SEC11A: variants seen among roughly 807,000 people sequenced by gnomAD.
The protein encoded by SEC11A is SEC11 homolog A, signal peptidase complex subunit.
SEC11A carries 14 observed loss-of-function variants against 25.6 expected under a neutral mutation model. The ratio of observed to expected loss-of-function variants is 0.55; its 90% CI spans 0.36 to 0.85. The LOEUF is 0.85. SEC11A is among the 40% of genes least tolerant of loss of function. The pLI is 0.01. For missense variants in SEC11A, 153 were observed against 222.9 expected, an observed-to-expected ratio of 0.69 and a Z score of 2.00; for synonymous variants, 83 against 76.4, an observed-to-expected ratio of 1.09 and a Z score of -0.45.
Position 84,670,756 on chromosome 15 carries a change from G to A in SEC11A, c.458C>T (p.Thr153Met). Residue 153 changes from threonine (T) to methionine (M), a missense_variant, in exon 5 of 6, where the codon ACG (threonine) becomes ATG (methionine). Coordinates refer to ENST00000268220, the MANE Select transcript of SEC11A (RefSeq NM_014300.4). ...RGFVPYIGIV[T>M]ILMNDYPKFK... ...TTTAGGATAGTCATTCATGAGGATC[G>A]TCACAATTCCAATATAAGGAACAAA... 6.9e-7 allele frequency: 1 copy of A among 1,458,080 alleles called. No homozygotes were observed. The highest frequency in any genetic ancestry group is 9.4e-7 in the Non-Finnish European group (1 of 1,066,316). The allele number at this position is 1,458,080 out of a possible 1,614,324, so 90.3% of individuals were successfully genotyped here.
At chr15:84,691,669 C>A in intron 1 of SEC11A, 25 bp from the exon 2 acceptor site, 2 of 1,337,864 alleles carry the variant, frequency 1.5e-6, no homozygotes, top group South Asian at 2.4e-5. Flanking sequence ...CAGAAGAGAT[C>A]AGATCCACCA....
intron 1 of SEC11A, among the ~76,000 whole-genome samples, chr15:84,703,619 T>C (rs1898011752): frequency 1.3e-5 from 2 of 152,156 alleles, no homozygotes; most frequent in Non-Finnish European, 2.9e-5. Context: ...ATCCTCCCAA[T>C]GGGCAGCTTC....
chr15:84,710,504 G>A (rs1358542648), intron 1 of SEC11A, among the ~76,000 whole-genome samples: 1 of 152,064 alleles, frequency 6.6e-6, no homozygotes, highest in African/African-American at 2.4e-5. Flanking sequence ...GGGAGTGGTG[G>A]TGCACGCCTA....
chr15:84,715,977 T>A, intron 1 of SEC11A, 48 bp downstream of exon 1: 6 of 1,592,718 alleles, frequency 3.8e-6, no homozygotes, highest in Non-Finnish European at 5.2e-6. Context: ...AGCAGCAGCC[T>A]CGAAGGGACA....
At chr15:84,714,257 G>A (rs1167854769) in intron 1 of SEC11A, among the ~76,000 whole-genome samples, 4 of 151,932 alleles carry the variant, frequency 2.6e-5, no homozygotes, top group Admixed American at 6.6e-5. Context: ...ATTGTGATCC[G>A]CCTGCCTCAG....
intron 3 of SEC11A, among the ~76,000 whole-genome samples, 185 bp downstream of exon 3, chr15:84,687,440 G>C (rs1466487691): frequency 6.6e-6 from 1 of 152,144 alleles, no homozygotes; most frequent in Admixed American, 6.5e-5. Flanking sequence ...GGAAAGAAAT[G>C]AACTAATAAA....
rs1003101658 is a variant in SEC11A at position 84,669,565 on chromosome 15, T to C, written c.*454A>G. 1 of 156,116 alleles carries C rather than the reference T, an allele frequency of 6.4e-6. No homozygotes were observed. Among genetic ancestry groups the C allele is most frequent in the Non-Finnish European group, 1.4e-5 (1 of 70,400 alleles). The allele number at this position is 156,116 out of a possible 1,614,324, so 9.7% of individuals were successfully genotyped here. ...GGGGTTCAATGTGCAAAGTCTTTTA[T>C]TTAAAATTTTAGAAGTTAAGACTTA... On this transcript the variant is annotated 3_prime_UTR_variant, in exon 6 of 6. Coordinates refer to ENST00000268220, the MANE Select transcript of SEC11A (RefSeq NM_014300.4).
intron 1 of SEC11A, among the ~76,000 whole-genome samples, chr15:84,712,547 A>C (rs1212499022): frequency 6.6e-6 from 1 of 150,714 alleles, no homozygotes; most frequent in Non-Finnish European, 1.5e-5. Context: ...TCCCAGGTTG[A>C]AGCAATTCTC....
chr15:84,704,489 C>T (rs1258771380), intron 1 of SEC11A, among the ~76,000 whole-genome samples: 17 of 152,164 alleles, frequency 1.1e-4, no homozygotes, highest in Admixed American at 2.6e-4. Flanking sequence ...ACAAATCCTC[C>T]GCCAGCTAGC....
intron 1 of SEC11A, 105 bp from the exon 2 acceptor site, chr15:84,691,749 A>G: frequency 1.6e-6 from 1 of 634,882 alleles, no homozygotes; most frequent in East Asian, 2.8e-5. Flanking sequence ...TATTAGGACA[A>G]CTACAGTTCT....
chr15:84,692,024 C>CT (rs59177902), intron 1 of SEC11A: 98,639 of 127,322 alleles, frequency 0.77, 38,426 homozygotes, highest in East Asian at 0.91. Context: ...TTTTCTTTTT[C>CT]TTTTTTTTTT....
chr15:84,679,983 G>A (rs551745121), intron 4 of SEC11A: 2 of 1,507,998 alleles, frequency 1.3e-6, no homozygotes, highest in East Asian at 2.5e-5. Context: ...AAACAAACAG[G>A]CTTAATATAA....
chr15:84,709,980 C>T (rs1378653324), intron 1 of SEC11A, among the ~76,000 whole-genome samples: 1 of 151,992 alleles, frequency 6.6e-6, no homozygotes, highest in Non-Finnish European at 1.5e-5. Context: ...TGGGCTCAAG[C>T]GATTCATCCA....
At chr15:84,707,181 CTTTTTTT>C (rs35694643) in intron 1 of SEC11A, among the ~76,000 whole-genome samples, 3 of 91,662 alleles carry the variant, frequency 3.3e-5, no homozygotes, top group African/African-American at 8.1e-5. Flanking sequence ...TTGTGTGAGA[CTTTTTTT>C]TTTTTTTTTT....
At chr15:84,702,267 C>T (rs1316108837) in intron 1 of SEC11A, among the ~76,000 whole-genome samples, 1 of 151,358 alleles carries the variant, frequency 6.6e-6, no homozygotes, top group Admixed American at 6.6e-5. Flanking sequence ...TTGAGACCAG[C>T]CTGGCCAACA....
intron 1 of SEC11A, among the ~76,000 whole-genome samples, chr15:84,702,947 C>G (rs1032627549): frequency 4.6e-5 from 7 of 152,124 alleles, no homozygotes; most frequent in Admixed American, 2.0e-4. Context: ...TAAGGTTCCG[C>G]AACAGGTCCA....
chr15:84,699,444 C>T (rs981486877), intron 1 of SEC11A, among the ~76,000 whole-genome samples: 1 of 151,296 alleles, frequency 6.6e-6, no homozygotes, highest in African/African-American at 2.4e-5. Flanking sequence ...ATATATGAAA[C>T]AAGGGTTTTC....
chr15:84,695,463 CAA>C (rs1256181529), intron 1 of SEC11A, among the ~76,000 whole-genome samples: 7 of 118,678 alleles, frequency 5.9e-5, no homozygotes, highest in Admixed American at 8.8e-5. Context: ...AACTCCGTCT[CAA>C]AAAAAAAAAA....
chr15:84,697,086 C>A (rs570377232), intron 1 of SEC11A, among the ~76,000 whole-genome samples: 2 of 149,096 alleles, frequency 1.3e-5, no homozygotes, highest in African/African-American at 2.5e-5. Flanking sequence ...CATAGCAAGA[C>A]CCTGTCTCTT....
Sources: allele counts gnomAD v4.1 joint callset (sites outside exome capture counted in the v4.1 genomes callset), GRCh38; gene constraint gnomAD v4.1.1; transcripts MANE v1.5; gene names NCBI Gene and HGNC (gene_info 2026-07-23, HGNC 2026-07-21).